OVGP1: variants seen among roughly 807,000 people sequenced by gnomAD.
OVGP1 encodes the protein oviductal glycoprotein 1, also known as oviduct-specific glycoprotein.
OVGP1 carries 26 observed loss-of-function variants against 48.2 expected under a neutral mutation model. That is an observed-to-expected ratio of 0.54 (90% CI 0.40 to 0.75). The LOEUF is 0.75. OVGP1 is among the 30% of genes least tolerant of loss of function. OVGP1 has a pLI of 0.00. For missense variants in OVGP1, 791 were observed against 820.6 expected, an observed-to-expected ratio of 0.96 and a Z score of 0.44; for synonymous variants, 294 against 305.7, an observed-to-expected ratio of 0.96 and a Z score of 0.40.
chr1:111,427,115 C>T (rs934838392), intron 1 of OVGP1, 24 bp from the exon 2 acceptor site: 3 of 1,613,894 alleles, frequency 1.9e-6, no homozygotes, highest in African/African-American at 1.3e-5. Context: ...AGGAAGGAGT[C>T]ACACAGAGAT....
intron 9 of OVGP1, among the ~76,000 whole-genome samples, chr1:111,419,342 C>A (rs1284078481): frequency 6.6e-6 from 1 of 152,030 alleles, no homozygotes; most frequent in Non-Finnish European, 1.5e-5. Flanking sequence ...AGGAAGAGAC[C>A]AAAAAGATCA....
chr1:111,416,171 C>G, intron 10 of OVGP1, 152 bp downstream of exon 10: 1 of 781,680 alleles, frequency 1.3e-6, no homozygotes. Context: ...AGTATCCCAA[C>G]AAAGACTGGA....
At chr1:111,420,707 G>A (rs961344230) in intron 8 of OVGP1, among the ~76,000 whole-genome samples, 4 of 152,112 alleles carry the variant, frequency 2.6e-5, no homozygotes, top group Admixed American at 6.5e-5. Context: ...GTCTCTTTCC[G>A]CCACCCAATA....
chr1:111,423,449 C>T, intron 5 of OVGP1, 94 bp downstream of exon 5: 3 of 1,327,196 alleles, frequency 2.3e-6, no homozygotes, highest in Non-Finnish European at 3.1e-6. Flanking sequence ...CTCTTCTGCC[C>T]CTGGCCCTGG....
At position 111,415,303 on chromosome 1, in the gene OVGP1, C is replaced by T; in HGVS notation, c.1198G>A (p.Ala400Thr). The change falls in exon 11 of 11, where the codon GCT becomes ACT. Residue 400 changes from alanine (A) to threonine (T), a missense_variant. Coordinates refer to ENST00000369732, the MANE Select transcript of OVGP1 (RefSeq NM_002557.4). ...GGGTCAGTGCTTGAAGAATTCACAG[C>T]AGATGACAGCCAAAATTGTGGTAAA... ...TSLPQFWLSSAVNSSSTDPER... is the reference protein window; with the variant it reads ...TSLPQFWLSSTVNSSSTDPER... 2 of 1,612,782 alleles carry T rather than the reference C, an allele frequency of 1.2e-6. No individual in the cohort carries two copies. Among genetic ancestry groups the T allele is most frequent in the Non-Finnish European group, 1.7e-6 (2 of 1,179,030 alleles).
rs764256510 is a variant in OVGP1, at chr1:111,423,599, G to C, written c.427C>G (p.Pro143Ala). The change falls in exon 5 of 11, where the codon CCT (proline) becomes GCT (alanine). Residue 143 changes from proline (P) to alanine (A), a missense_variant. Transcript: ENST00000369732. ...FDGLDLFFLY[P>A]GLRGSPMHDR... ...TGCATGGGGCTGCCTCTTAGTCCAG[G>C]ATATAAGAAGAAAAGGTCAAGACCA... The C allele has an allele frequency of 6.2e-7, 1 of 1,614,156 alleles. No individual in the cohort carries two copies. Among genetic ancestry groups the C allele is most frequent in the Non-Finnish European group, 8.5e-7 (1 of 1,180,022 alleles).
chr1:111,417,754 GAGTC>G (rs1652169524), intron 9 of OVGP1, among the ~76,000 whole-genome samples: 1 of 152,176 alleles, frequency 6.6e-6, no homozygotes, highest in South Asian at 2.1e-4. Flanking sequence ...ATAGCACCTT[GAGTC>G]AGTTTCCATG....
chr1:111,424,001 T>G (rs1156850628), intron 4 of OVGP1, among the ~76,000 whole-genome samples: 1 of 152,184 alleles, frequency 6.6e-6, no homozygotes, highest in East Asian at 1.9e-4. Flanking sequence ...GCCTGGGGTG[T>G]GGAGAAATGG....
In OVGP1 at chr1:111,421,639, A is replaced by T. The variant is rs1290222632; in HGVS notation, c.643T>A (p.Leu215Ile). The T allele has an allele frequency of 6.2e-7, 1 of 1,612,640 alleles. No homozygotes were observed. Among genetic ancestry groups the T allele is most frequent in the East Asian group, 2.2e-5 (1 of 44,876 alleles). Residue 215 changes from leucine to isoleucine, a missense_variant, in exon 7 of 11, where the codon TTA becomes ATA. Coordinates refer to ENST00000369732, the MANE Select transcript of OVGP1 (RefSeq NM_002557.4). Reference sequence around the variant, plus strand: ...GTGAACCTTTCCCAACTTCCATGTAAGTCATAAGACAAGACATTGATGAAA... The same window carrying T: ...GTGAACCTTTCCCAACTTCCATGTATGTCATAAGACAAGACATTGATGAAA... ...LDFINVLSYD[L>I]HGSWERFTGH... is the part of the protein sequence containing the mutation.
At chr1:111,423,379 C>T (rs1652320914) in intron 5 of OVGP1, among the ~76,000 whole-genome samples, 164 bp downstream of exon 5, 1 of 152,190 alleles carries the variant, frequency 6.6e-6, no homozygotes, top group Non-Finnish European at 1.5e-5. Context: ...AAAAGAGCAA[C>T]CTCAGGGAGT....
chr1:111,426,317 T>G lies in OVGP1; in HGVS notation c.260+120A>C, dbSNP rs571320267. 3.1e-4 allele frequency: 437 copies of G among 1,423,370 alleles called. 4 individuals carry two copies. The highest frequency in any genetic ancestry group is 1.3e-3 in the Middle Eastern group (7 of 5,282). The allele number at this position is 1,423,370 out of a possible 1,614,324, so 88.2% of individuals were successfully genotyped here. ...AGTTGGGGGTGCTCTGGACCCCTAT[T>G]TGAGAGGAAGGTAGGACTGGAAGAA... is the stretch of plus-strand genomic sequence containing the variant. On this transcript the variant is annotated intron_variant, in intron 3 of 10. Coordinates refer to ENST00000369732, the MANE Select transcript of OVGP1 (RefSeq NM_002557.4).
At position 111,419,663 on chromosome 1, in the gene OVGP1, TG is replaced by T. The variant is rs1315975082; in HGVS notation, c.966del (p.Asn323ThrfsTer22). The T allele has an allele frequency of 6.2e-7, 1 of 1,613,906 alleles. No individual in the cohort carries two copies. The highest frequency in any genetic ancestry group is 8.5e-7 in the Non-Finnish European group (1 of 1,179,830). On this transcript the variant is annotated frameshift_variant, in exon 9 of 11. Coordinates refer to ENST00000369732, the MANE Select transcript of OVGP1 (RefSeq NM_002557.4). LOFTEE classifies it high-confidence loss of function. ...HWIDYQYVPY[A>X]NKGKEWVGYD... Reference sequence around the variant, plus strand: ...TAGCCAACCCACTCTTTCCCCTTGTTGGCATACGGGACATACTGGTAATCAA... The same window carrying T: ...TAGCCAACCCACTCTTTCCCCTTGTTGCATACGGGACATACTGGTAATCAA...
intron 6 of OVGP1, 135 bp from the exon 7 acceptor site, chr1:111,421,808 G>T (rs948046857): frequency 1.1e-5 from 7 of 627,390 alleles, no homozygotes; most frequent in African/African-American, 7.3e-5. Flanking sequence ...TGTGGGGCCT[G>T]CCCAGGCTGT....
Position 111,414,728 on chromosome 1 carries a change from A to G in OVGP1, c.1773T>C (p.Pro591=). 6.2e-7 allele frequency: 1 copy of G among 1,613,664 alleles called. No homozygotes were observed. Among genetic ancestry groups the G allele is most frequent in the Admixed American group, 1.7e-5 (1 of 60,018 alleles). ...CAGAAGTCAAATTCTCCCCTCTTAA[A>G]GGCATAGTCTGCCCTTCAGGGGTGA... The part of the protein sequence containing the change: ...ISVTPEGQTM[P]LRGENLTSEV... The change falls in exon 11 of 11, where the codon CCT becomes CCC. Residue 591 remains proline, a synonymous_variant. Coordinates refer to ENST00000369732, the MANE Select transcript of OVGP1 (RefSeq NM_002557.4).
intron 8 of OVGP1, 103 bp from the exon 9 acceptor site, chr1:111,419,829 C>T: frequency 4.0e-6 from 3 of 743,454 alleles, no homozygotes; most frequent in Non-Finnish European, 7.1e-6. Context: ...GAATCCCTAA[C>T]CAGCGAATGA....
intron 9 of OVGP1, 58 bp from the exon 10 acceptor site, chr1:111,416,516 ATGGC>A: frequency 1.3e-6 from 2 of 1,496,036 alleles, no homozygotes; most frequent in South Asian, 1.3e-5. Context: ...ACTGGGTACA[ATGGC>A]AAAAAACTGA....
intron 9 of OVGP1, chr1:111,416,757 G>C (rs753926171): frequency 4.1e-6 from 1 of 241,500 alleles, no homozygotes; most frequent in Non-Finnish European, 7.9e-6. Flanking sequence ...TGGATGAAGC[G>C]TGAAGACACT....
At chr1:111,416,514 C>A (rs1354320538) in intron 9 of OVGP1, 56 bp from the exon 10 acceptor site, 2 of 1,497,516 alleles carry the variant, frequency 1.3e-6, no homozygotes, top group South Asian at 1.3e-5. Context: ...AGACTGGGTA[C>A]AATGGCAAAA....
At chr1:111,419,479 T>C (rs1219307407) in intron 9 of OVGP1, 131 bp downstream of exon 9, 6 of 668,334 alleles carry the variant, frequency 9.0e-6, no homozygotes, top group Non-Finnish European at 1.6e-5. Flanking sequence ...TAGGCATGCC[T>C]GAAACCCCTG....
Sources: gnomAD v4.1 joint callset for allele counts (sites outside exome capture counted in the v4.1 genomes callset) on GRCh38, gnomAD v4.1.1 for gene constraint, MANE v1.5 for transcripts, NCBI Gene and HGNC (gene_info 2026-07-23, HGNC 2026-07-21) for gene names.